PRKG1: variants seen among roughly 807,000 people sequenced by gnomAD.
PRKG1 encodes cGMP-dependent protein kinase 1.
PRKG1 carries 35 observed loss-of-function variants against 88.1 expected under a neutral mutation model. That is an observed-to-expected ratio of 0.40 (90% CI 0.30 to 0.53). PRKG1 has a LOEUF of 0.53. PRKG1 is among the 20% of genes least tolerant of loss of function. The pLI, the probability that PRKG1 is intolerant of heterozygous loss-of-function variation, is 0.59. For missense variants in PRKG1, 540 were observed against 839.8 expected, an observed-to-expected ratio of 0.64 and a Z score of 4.41; for synonymous variants, 303 against 292.5, an observed-to-expected ratio of 1.04 and a Z score of -0.37.
chr10:51,082,245 C>T (rs1409563922), intron 1 of PRKG1, among the ~76,000 whole-genome samples: 1 of 152,072 alleles, frequency 6.6e-6, no homozygotes, highest in Non-Finnish European at 1.5e-5. Flanking sequence ...TCTCTTACTG[C>T]CCAAAGGGTC....
At chr10:51,236,376 G>A (rs1373473766) in intron 2 of PRKG1, among the ~76,000 whole-genome samples, 1 of 152,030 alleles carries the variant, frequency 6.6e-6, no homozygotes, top group African/African-American at 2.4e-5. Flanking sequence ...TGTCTTTGTT[G>A]TCAGTATTTG....
chr10:51,295,918 T>G (rs1840708396), intron 2 of PRKG1, among the ~76,000 whole-genome samples: 1 of 152,192 alleles, frequency 6.6e-6, no homozygotes, highest in South Asian at 2.1e-4. Context: ...TTTTTCTGAA[T>G]CTATTGAGAT....
At chr10:51,788,472 C>A (rs1838785426) in intron 3 of PRKG1, among the ~76,000 whole-genome samples, 1 of 152,112 alleles carries the variant, frequency 6.6e-6, no homozygotes, top group Admixed American at 6.6e-5. Context: ...TGTTAGAGAG[C>A]TCCTTTTCCT....
intron 10 of PRKG1, chr10:52,252,295 G>A (rs1841191774): frequency 6.6e-6 from 1 of 152,086 alleles, no homozygotes; most frequent in South Asian, 2.1e-4. Flanking sequence ...TACATTGCAT[G>A]AATGTGGTGT....
chr10:51,813,210 G>C (rs114433746), intron 4 of PRKG1, among the ~76,000 whole-genome samples: 3 of 152,120 alleles, frequency 2.0e-5, no homozygotes, highest in South Asian at 4.1e-4. Context: ...TAAGCCATTA[G>C]CAAAAAAGCA....
chr10:51,470,915 C>A (rs1294466067), intron 3 of PRKG1, among the ~76,000 whole-genome samples: 1 of 151,750 alleles, frequency 6.6e-6, no homozygotes, highest in African/African-American at 2.4e-5. Flanking sequence ...CATTTATTTT[C>A]AGTGGTTACC....
intron 9 of PRKG1, among the ~76,000 whole-genome samples, chr10:52,168,184 C>A (rs575225183): frequency 1.5e-4 from 23 of 152,262 alleles, no homozygotes; most frequent in African/African-American, 5.5e-4. Flanking sequence ...CAGTGGGGGA[C>A]TGAGGCATAT....
chr10:52,058,743 A>G (rs1846168008), intron 6 of PRKG1, among the ~76,000 whole-genome samples: 1 of 151,988 alleles, frequency 6.6e-6, no homozygotes, highest in Non-Finnish European at 1.5e-5. Flanking sequence ...TTGCGATTAG[A>G]TAGGAAGAGT....
At chr10:51,055,818 G>A (rs190544132) in intron 1 of PRKG1, among the ~76,000 whole-genome samples, 12 of 152,246 alleles carry the variant, frequency 7.9e-5, no homozygotes, top group African/African-American at 2.9e-4. Flanking sequence ...CCAGCCCCAT[G>A]TGACAACTGC....
intron 4 of PRKG1, among the ~76,000 whole-genome samples, chr10:51,816,418 G>A (rs1334249020): frequency 6.6e-6 from 1 of 152,106 alleles, no homozygotes; most frequent in East Asian, 1.9e-4. Context: ...AATAAAAAAA[G>A]TAATGTCAAT....
intron 3 of PRKG1, among the ~76,000 whole-genome samples, chr10:51,600,920 T>TCGAGAG (rs140762679): frequency 1.3e-5 from 2 of 150,638 alleles, no homozygotes; most frequent in African/African-American, 4.9e-5. Flanking sequence ...TAGTTCATTT[T>TCGAGAG]TGAGAGAGAG....
At chr10:51,829,748 G>C (rs2132748977) in intron 4 of PRKG1, among the ~76,000 whole-genome samples, 1 of 152,188 alleles carries the variant, frequency 6.6e-6, no homozygotes, top group Non-Finnish European at 1.5e-5. Flanking sequence ...CTAGGTTGTG[G>C]GTACTTGGAT....
At position 52,257,341 on chromosome 10, in the gene PRKG1, A is replaced by AG. The variant is rs1414369463; in HGVS notation, c.1173+5675_1173+5676insG. 2.1e-5 allele frequency among the ~76,000 whole-genome samples: 3 copies of AG among 139,826 alleles called. 1 individual carries two copies. The highest frequency in any genetic ancestry group is 4.9e-5 in the Non-Finnish European group (3 of 61,792). 91.7% of individuals were successfully genotyped at this position (139,826 alleles called of 152,430 possible). ...GCTATGTAAACCAATTGAAAAAAAA[A>AG]TAGAAACTAAGAGGTGATTAAGCAA... On this transcript the variant is annotated intron_variant, in intron 10 of 17. Coordinates refer to ENST00000373980, the MANE Select transcript of PRKG1 (RefSeq NM_006258.4).
chr10:51,768,031 A>AT lies in PRKG1; in HGVS notation c.593-36554_593-36553insT, dbSNP rs1290323868. On this transcript the variant is annotated intron_variant, in intron 3 of 17. Transcript: ENST00000373980. ...AATTAAAAAAAAAATAAATAAATAA[A>AT]AAAACGTTTTAAAATGCACTAAATT... Among the ~76,000 whole-genome samples, 637 of 122,804 alleles carry AT rather than the reference A, an allele frequency of 5.2e-3. 6 individuals carry two copies. Among genetic ancestry groups the AT allele is most frequent in the African/African-American group, 0.019 (596 of 31,026 alleles). The allele number at this position is 122,804 out of a possible 152,430, so 80.6% of individuals were successfully genotyped here. A position where few individuals can be genotyped will look rare whatever the true frequency, so the allele number is the denominator to read the frequency against.
intron 1 of PRKG1, among the ~76,000 whole-genome samples, chr10:51,044,570 A>AT (rs549596670): frequency 6.3e-4 from 93 of 148,166 alleles, no homozygotes; most frequent in South Asian, 2.1e-3. Flanking sequence ...GGTAGAGGAA[A>AT]TTTTTTTTTT....
At chr10:51,184,388 G>T (rs1837428518) in intron 2 of PRKG1, among the ~76,000 whole-genome samples, 1 of 152,040 alleles carries the variant, frequency 6.6e-6, no homozygotes, top group Non-Finnish European at 1.5e-5. Flanking sequence ...CCTCAATATT[G>T]TTGCTTTTTG....
chr10:52,000,953 A>T (rs1275454277), intron 5 of PRKG1, among the ~76,000 whole-genome samples: 2 of 151,984 alleles, frequency 1.3e-5, no homozygotes, highest in East Asian at 3.9e-4. Flanking sequence ...AATGACTTCA[A>T]TTTTTTGAGT....
At chr10:51,098,968 C>G (rs1256404913) in intron 1 of PRKG1, among the ~76,000 whole-genome samples, 2 of 152,174 alleles carry the variant, frequency 1.3e-5, no homozygotes, top group Non-Finnish European at 2.9e-5. Context: ...TATGAGAGCA[C>G]AAAAGCCTAG....
intron 7 of PRKG1, among the ~76,000 whole-genome samples, chr10:52,121,266 C>T (rs1300833818): frequency 1.3e-5 from 2 of 152,158 alleles, no homozygotes; most frequent in Admixed American, 6.5e-5. Flanking sequence ...CAGTCCTGAA[C>T]ATATCTGAAA....
Sources: allele counts gnomAD v4.1 joint callset (sites outside exome capture counted in the v4.1 genomes callset), GRCh38; gene constraint gnomAD v4.1.1; transcripts MANE v1.5; gene names NCBI Gene and HGNC (gene_info 2026-07-23, HGNC 2026-07-21).